The following LMNB2 variants were observed in gnomAD, a reference collection of about 807,000 sequenced individuals.
LMNB2 encodes lamin-B2.
A neutral mutation model predicts 69.3 loss-of-function variants in LMNB2; 17 were observed. That is an observed-to-expected ratio of 0.25 (90% CI 0.17 to 0.37). The LOEUF is 0.37. Among genes scored for constraint, LMNB2 ranks in the 10% least tolerant of loss-of-function variants. The pLI is 1.00. For missense variants in LMNB2, 789 were observed against 883.6 expected, an observed-to-expected ratio of 0.89 and a Z score of 1.36; for synonymous variants, 397 against 389.3, an observed-to-expected ratio of 1.02 and a Z score of -0.23.
chr19:2,451,211 T>C (rs1031701273), intron 1 of LMNB2, among the ~76,000 whole-genome samples: 3 of 152,154 alleles, frequency 2.0e-5, no homozygotes, highest in Admixed American at 2.0e-4. Flanking sequence ...ATTGTGCCAC[T>C]GCATTCCAGC....
chr19:2,449,246 C>T (rs1473435879), intron 1 of LMNB2, among the ~76,000 whole-genome samples: 1 of 152,138 alleles, frequency 6.6e-6, no homozygotes. Context: ...AACCGGTGCC[C>T]ACAGCATTCC....
chr19:2,438,459 C>T lies in LMNB2; in HGVS notation c.474G>A (p.Arg158=). ...GGGCAGCTGCCAGCTCCACCTCGCT[C>T]CGGTGGAACAGGGACTCCAGGTCCT... ...RVKDLESLFH[R]SEVELAAALS... is the part of the protein sequence containing the mutation. Residue 158 remains arginine (R), a synonymous_variant, in exon 3 of 12, where the codon CGG becomes CGA. Coordinates refer to ENST00000325327, the MANE Select transcript of LMNB2 (RefSeq NM_032737.4). 1 of 1,612,274 alleles carries T rather than the reference C, an allele frequency of 6.2e-7. No individual in the cohort carries two copies. The highest frequency in any genetic ancestry group is 8.5e-7 in the Non-Finnish European group (1 of 1,179,832).
chr19:2,438,142 G>T, intron 4 of LMNB2, 21 bp downstream of exon 4: 3 of 1,613,342 alleles, frequency 1.9e-6, no homozygotes, highest in Non-Finnish European at 2.5e-6. Context: ...TGCCAGGCTG[G>T]AGGCCAGGCC....
intron 1 of LMNB2, among the ~76,000 whole-genome samples, chr19:2,448,438 C>A (rs182424653): frequency 1.3e-5 from 2 of 152,162 alleles, no homozygotes; most frequent in Non-Finnish European, 2.9e-5. Flanking sequence ...ACAAGATCAG[C>A]GCCGGGACAC....
chr19:2,435,226 C>A, intron 4 of LMNB2, 55 bp from the exon 5 acceptor site: 1 of 1,589,302 alleles, frequency 6.3e-7, no homozygotes, highest in South Asian at 1.1e-5. Flanking sequence ...AAGCACCAGG[C>A]CCAAGGGAGG....
rs116719316 is a variant in LMNB2, at chr19:2,442,002, G to A, written c.401+2402C>T. On this transcript the variant is annotated intron_variant, in intron 2 of 11. Transcript: ENST00000325327. ...AGGGCACACCCAGAAGGCAGGGTGC[G>A]GGCTCCCAGGGCTCAGACCCGTTTC... Among the ~76,000 whole-genome samples, 202 of 152,316 alleles carry A rather than the reference G, an allele frequency of 1.3e-3. 1 individual carries two copies. Among genetic ancestry groups the A allele is most frequent in the African/African-American group, 4.4e-3 (184 of 41,584 alleles).
At chr19:2,433,793 C>A (rs1172030959) in intron 8 of LMNB2, 33 bp downstream of exon 8, 2 of 1,612,376 alleles carry the variant, frequency 1.2e-6, no homozygotes, top group Admixed American at 3.3e-5. Context: ...CTGGGTCACC[C>A]CGTTACCCCC....
Position 2,430,885 on chromosome 19 carries a change from A to C in LMNB2, c.*26T>G, listed in dbSNP as rs1971730737. On this transcript the variant is annotated 3_prime_UTR_variant, in exon 12 of 12. Transcript: ENST00000325327. ...AGTTTTCAGTGGCTCTGGGTAAAGA[A>C]AGGTGTGTGGATGAGGAGTGTGGGT... 6.8e-7 allele frequency: 1 copy of C among 1,462,510 alleles called. No homozygotes were observed. Among genetic ancestry groups the C allele is most frequent in the South Asian group, 1.1e-5 (1 of 88,004 alleles). 90.6% of individuals were successfully genotyped at this position (1,462,510 alleles called of 1,614,324 possible).
rs397945879 is a variant in LMNB2, at chr19:2,439,035, CTTTTTTTTTTTTTTT to C, written c.402-519_402-505del. The stretch of plus-strand genomic sequence containing the variant: ...CCAGTGTGGATTGTAGGCACTTAAG[CTTTTTTTTTTTTTTT>C]TTTTTTTTTTTTTTTAAGAGACAGG... On this transcript the variant is annotated intron_variant, in intron 2 of 11. Transcript: ENST00000325327. Among the ~76,000 whole-genome samples, 74 of 65,710 alleles carry C rather than the reference CTTTTTTTTTTTTTTT, an allele frequency of 1.1e-3. 1 individual carries two copies. The highest frequency in any genetic ancestry group is 3.9e-3 in the African/African-American group (60 of 15,420). The allele number at this position is 65,710 out of a possible 152,430, so 43.1% of individuals were successfully genotyped here. A position where few individuals can be genotyped will look rare whatever the true frequency, so the allele number is the denominator to read the frequency against.
At chr19:2,450,585 C>A (rs569340578) in intron 1 of LMNB2, among the ~76,000 whole-genome samples, 5 of 151,870 alleles carry the variant, frequency 3.3e-5, no homozygotes, top group Non-Finnish European at 7.4e-5. Context: ...TAAGACCAGT[C>A]TGGTCAACAT....
At chr19:2,437,810 G>T (rs543310818) in intron 4 of LMNB2, among the ~76,000 whole-genome samples, 2 of 99,614 alleles carry the variant, frequency 2.0e-5, no homozygotes, top group Admixed American at 1.8e-4. Flanking sequence ...AAAAAAAGAC[G>T]TGCCCACATC....
At chr19:2,449,913 T>G (rs967623793) in intron 1 of LMNB2, among the ~76,000 whole-genome samples, 1 of 150,910 alleles carries the variant, frequency 6.6e-6, no homozygotes, top group Non-Finnish European at 1.5e-5. Context: ...CTGTCTCTAC[T>G]AAAAATACAG....
In LMNB2 at chr19:2,447,703, C is replaced by T. The variant is rs1269509140; in HGVS notation, c.265-3163G>A. Among the ~76,000 whole-genome samples, 1 of 152,192 alleles carries T rather than the reference C, an allele frequency of 6.6e-6. No individual in the cohort carries two copies. Among genetic ancestry groups the T allele is most frequent in the East Asian group, 1.9e-4 (1 of 5,194 alleles). ...CAAGGGTGTCTATGCAAGGTGGGTA[C>T]AGGGTCGGCCTGCATCTGGAGGGCC... On this transcript the variant is annotated intron_variant, in intron 1 of 11. Transcript: ENST00000325327. This position sits in a 1 kb window ranked among gnomAD's most constrained non-coding sequence, Gnocchi z 4.4.
intron 1 of LMNB2, among the ~76,000 whole-genome samples, chr19:2,449,243 GC>G (rs1158528050): frequency 6.6e-6 from 1 of 152,164 alleles, no homozygotes; most frequent in Non-Finnish European, 1.5e-5. Context: ...TGTAACCGGT[GC>G]CCACAGCATT....
At chr19:2,436,212 G>A (rs1971819590) in intron 4 of LMNB2, among the ~76,000 whole-genome samples, 1 of 152,182 alleles carries the variant, frequency 6.6e-6, no homozygotes, top group African/African-American at 2.4e-5. Context: ...GAACCCAGGA[G>A]GCGGAGGTTG....
intron 2 of LMNB2, among the ~76,000 whole-genome samples, chr19:2,442,375 T>G (rs1971908431): frequency 6.6e-6 from 1 of 152,084 alleles, no homozygotes; most frequent in African/African-American, 2.4e-5. Context: ...GTGGATCGCT[T>G]AAGTCCAGGA....
rs200306803 is a variant in LMNB2 at position 2,435,045 on chromosome 19, C to T, written c.811G>A (p.Val271Met). 26 of 1,610,472 alleles carry T rather than the reference C, an allele frequency of 1.6e-5. No individual in the cohort carries two copies. Among genetic ancestry groups the T allele is most frequent in the Non-Finnish European group, 1.8e-5 (21 of 1,179,678 alleles). ...EELRSQHDEQVRLYKLELEQT... is the reference protein window; with the variant it reads ...EELRSQHDEQMRLYKLELEQT... ...TCCAGCTCCAGCTTGTAGAGCCGCA[C>T]TTGCTCGTCGTGCTGGCTCCGCAGC... The change falls in exon 5 of 12, where the codon GTG (valine) becomes ATG (methionine). Residue 271 changes from valine (V) to methionine (M), a missense_variant. Val to Met is a conservative substitution (Grantham distance 21). This residue lies in a region of LMNB2 where 609 missense variants were observed against 630.9 expected (regional missense o/e 0.97). Coordinates refer to ENST00000325327, the MANE Select transcript of LMNB2 (RefSeq NM_032737.4).
In LMNB2 at chr19:2,439,035, C is replaced by CTTTT. The variant is rs397945879; in HGVS notation, c.402-508_402-505dup. On this transcript the variant is annotated intron_variant, in intron 2 of 11. Transcript: ENST00000325327. ...CCAGTGTGGATTGTAGGCACTTAAGCTTTTTTTTTTTTTTTTTTTTTTTTT... is the reference window on the plus strand; with the variant it reads ...CCAGTGTGGATTGTAGGCACTTAAGCTTTTTTTTTTTTTTTTTTTTTTTTTTTTT... Among the ~76,000 whole-genome samples the CTTTT allele has an allele frequency of 1.8e-3, 120 of 65,706 alleles. 14 individuals carry two copies. Among genetic ancestry groups the CTTTT allele is most frequent in the African/African-American group, 3.2e-3 (50 of 15,422 alleles). The allele number at this position is 65,706 out of a possible 152,430, so 43.1% of individuals were successfully genotyped here. A position where few individuals can be genotyped will look rare whatever the true frequency, so the allele number is the denominator to read the frequency against.
chr19:2,436,032 C>T (rs545127114), intron 4 of LMNB2, among the ~76,000 whole-genome samples: 6 of 152,280 alleles, frequency 3.9e-5, no homozygotes, highest in Non-Finnish European at 7.4e-5. Flanking sequence ...AGCCTGTAAT[C>T]CCAGCACTTT....
Sources: gnomAD v4.1 joint callset for allele counts (sites outside exome capture counted in the v4.1 genomes callset) on GRCh38, gnomAD v4.1.1 for gene constraint, gnomAD v4.1.1 regional missense constraint, Gnocchi (gnomAD v3.1) non-coding constraint, MANE v1.5 for transcripts, NCBI Gene and HGNC (gene_info 2026-07-23, HGNC 2026-07-21) for gene names.